Variants in RBMS3 observed in about 807,000 individuals in gnomAD.
RBMS3 encodes RNA binding motif single stranded interacting protein 3, also known as RNA-binding motif, single-stranded-interacting protein 3.
Under a neutral mutation model 66.8 loss-of-function variants are expected in RBMS3, and 27 were observed. The ratio of observed to expected loss-of-function variants is 0.40; its 90% confidence interval spans 0.30 to 0.56. RBMS3 has a LOEUF of 0.56. Among genes scored for constraint, RBMS3 ranks in the 20% least tolerant of loss-of-function variants. The pLI is 0.40. For missense variants in RBMS3, 513 were observed against 549.5 expected (o/e 0.93, Z 0.66); for synonymous variants, 188 against 183.0 (o/e 1.03, Z -0.22).
intron 4 of RBMS3, among the ~76,000 whole-genome samples, chr3:29,732,744 T>C (rs1262185402): frequency 6.6e-6 from 1 of 152,166 alleles, no homozygotes; most frequent in Non-Finnish European, 1.5e-5. Context: ...TTTATTATTA[T>C]TAATTTTTAA....
At chr3:29,362,014 A>G (rs62243463) in intron 1 of RBMS3, among the ~76,000 whole-genome samples, 3,657 of 152,178 alleles carry the variant, frequency 0.024, 66 homozygotes, top group Non-Finnish European at 0.039. Flanking sequence ...TAGCTCAGAG[A>G]AGTTTGATTG....
intron 2 of RBMS3, among the ~76,000 whole-genome samples, chr3:29,482,814 T>A (rs1332177033): frequency 6.7e-6 from 1 of 148,464 alleles, no homozygotes; most frequent in Non-Finnish European, 1.5e-5. Flanking sequence ...TTCAAGTGAT[T>A]CTCCTGCCTC....
intron 4 of RBMS3, among the ~76,000 whole-genome samples, chr3:29,712,665 G>T (rs1422150699): frequency 1.3e-5 from 2 of 152,140 alleles, no homozygotes; most frequent in Non-Finnish European, 2.9e-5. Context: ...CCTCACCAAT[G>T]TGGACAGGCT....
chr3:29,472,331 G>C (rs987261408), intron 2 of RBMS3, among the ~76,000 whole-genome samples: 1 of 152,022 alleles, frequency 6.6e-6, no homozygotes, highest in African/African-American at 2.4e-5. Context: ...CAGTAGCTAG[G>C]ATTACAGGCG....
intron 3 of RBMS3, among the ~76,000 whole-genome samples, chr3:29,500,838 CTGTGTG>C (rs58254082): frequency 6.5e-4 from 97 of 148,274 alleles, no homozygotes; most frequent in African/African-American, 1.4e-3. Context: ...GTCAGTACAT[CTGTGTG>C]TGTGTGTGTG....
rs190653529 is a variant in RBMS3 at position 29,670,667 on chromosome 3, C to G, written c.400-69053C>G. 5.4e-3 allele frequency among the ~76,000 whole-genome samples: 820 copies of G among 152,336 alleles called. 3 individuals carry two copies. The highest frequency in any genetic ancestry group is 7.9e-3 in the Non-Finnish European group (537 of 68,034). On this transcript the variant is annotated intron_variant, in intron 4 of 14. Transcript: ENST00000383767. ...CTTGCTCACTGCTAACACAGCAGTC[C>G]AAGATCGAACTGCAAGGCAGCAGCA... is the stretch of plus-strand genomic sequence containing the variant.
Position 29,361,138 on chromosome 3 carries a change from A to G in RBMS3, c.76-73605A>G, listed in dbSNP as rs1017377479. 1.1e-4 allele frequency among the ~76,000 whole-genome samples: 16 copies of G among 152,050 alleles called. 1 individual carries two copies. The highest frequency in any genetic ancestry group is 1.5e-4 in the Non-Finnish European group (10 of 68,044). ...TCGTTACTTGAAGCAGTTTCTTCCT[A>G]GCATCAATAGTCTTTACAATTTAGC... On this transcript the variant is annotated intron_variant, in intron 1 of 14. Transcript: ENST00000383767.
intron 1 of RBMS3, among the ~76,000 whole-genome samples, chr3:29,400,730 G>C (rs928997701): frequency 6.6e-6 from 1 of 152,032 alleles, no homozygotes; most frequent in African/African-American, 2.4e-5. Flanking sequence ...TCAACAGGTT[G>C]AAAGGATCAT....
intron 6 of RBMS3, among the ~76,000 whole-genome samples, chr3:29,841,665 T>C (rs1446744380): frequency 6.6e-6 from 1 of 152,024 alleles, no homozygotes; most frequent in Non-Finnish European, 1.5e-5. Flanking sequence ...AATTAAACAC[T>C]CCTTTTCTCC....
At chr3:29,742,962 C>T (rs371255789) in intron 5 of RBMS3, among the ~76,000 whole-genome samples, 90 of 152,204 alleles carry the variant, frequency 5.9e-4, no homozygotes, top group African/African-American at 2.1e-3. Context: ...TTTCTTATGC[C>T]TAAGAAATAA....
Position 29,323,702 on chromosome 3 carries a change from A to ACG in RBMS3, c.75+41947_75+41948insGC, listed in dbSNP as rs2035147194. The stretch of plus-strand genomic sequence containing the variant: ...GTTACACACACACATACACACACAC[A>ACG]CACACACACACACACACACACACAC... On this transcript the variant is annotated intron_variant, in intron 1 of 14. Coordinates refer to ENST00000383767, the MANE Select transcript of RBMS3 (RefSeq NM_001003793.3). 2.0e-5 allele frequency among the ~76,000 whole-genome samples: 3 copies of ACG among 147,272 alleles called. No homozygotes were observed. In the South Asian group the frequency reaches 6.5e-4, roughly 32 times the overall value.
chr3:29,433,161 T>C (rs1031933650), intron 1 of RBMS3, among the ~76,000 whole-genome samples: 1 of 152,134 alleles, frequency 6.6e-6, no homozygotes, highest in Non-Finnish European at 1.5e-5. Flanking sequence ...TACATTTTTT[T>C]CCCTCAGATT....
intron 1 of RBMS3, among the ~76,000 whole-genome samples, chr3:29,407,739 G>A (rs1465623253): frequency 6.6e-6 from 1 of 152,036 alleles, no homozygotes; most frequent in Non-Finnish European, 1.5e-5. Context: ...TGCCCTGTTA[G>A]CACAGTCTTA....
intron 1 of RBMS3, among the ~76,000 whole-genome samples, chr3:29,313,792 G>A (rs941706406): frequency 4.0e-5 from 6 of 151,606 alleles, no homozygotes; most frequent in African/African-American, 1.2e-4. Flanking sequence ...TAGATGGATA[G>A]TATGCTTAAT....
chr3:29,794,094 A>G lies in RBMS3; in HGVS notation c.637+31105A>G, dbSNP rs9870077. On this transcript the variant is annotated intron_variant, in intron 6 of 14. Coordinates refer to ENST00000383767, the MANE Select transcript of RBMS3 (RefSeq NM_001003793.3). ...GCCCTCACCAGAAGCAGTTGCTAGA[A>G]CTAGGCTGGTGCAGCCTGGAGGACC... 5.0e-3 allele frequency among the ~76,000 whole-genome samples: 756 copies of G among 152,308 alleles called. 6 individuals are homozygous for G. The highest frequency in any genetic ancestry group is 0.017 in the African/African-American group (725 of 41,570).
At chr3:29,353,807 A>G (rs1431070995) in intron 1 of RBMS3, among the ~76,000 whole-genome samples, 1 of 152,110 alleles carries the variant, frequency 6.6e-6, no homozygotes, top group Non-Finnish European at 1.5e-5. Context: ...AAAAAGAGAG[A>G]TCAACACTTG....
At chr3:29,684,779 TACACACACACACAC>T (rs10570309) in intron 4 of RBMS3, among the ~76,000 whole-genome samples, 1 of 145,660 alleles carries the variant, frequency 6.9e-6, no homozygotes, top group African/African-American at 2.6e-5. Flanking sequence ...GTTTGTTATG[TACACACACACACAC>T]ACACACACAC....
intron 6 of RBMS3, among the ~76,000 whole-genome samples, chr3:29,800,067 C>T (rs1471257926): frequency 6.6e-6 from 1 of 152,126 alleles, no homozygotes; most frequent in Non-Finnish European, 1.5e-5. Context: ...GGAATCAAAG[C>T]CAACACAGAG....
At chr3:29,853,579 G>A (rs1486246099) in intron 6 of RBMS3, among the ~76,000 whole-genome samples, 2 of 151,906 alleles carry the variant, frequency 1.3e-5, no homozygotes, top group African/African-American at 4.8e-5. Flanking sequence ...GCTCTCAGGC[G>A]ACAGATGATT....
Sources: gnomAD v4.1 joint callset for allele counts (sites outside exome capture counted in the v4.1 genomes callset) on GRCh38, gnomAD v4.1.1 for gene constraint, MANE v1.5 for transcripts, NCBI Gene and HGNC (gene_info 2026-07-23, HGNC 2026-07-21) for gene names.